The following HDX variants were observed in gnomAD, a reference collection of about 807,000 sequenced individuals.
HDX encodes chromosome X open reading frame 43.
In HDX, 19 loss-of-function variants were observed where a neutral mutation model predicts 45.2. That is an observed-to-expected ratio of 0.42 (90% confidence interval 0.29 to 0.62). HDX has a LOEUF of 0.62. Ranked by LOEUF, HDX falls within the 20% of genes least tolerant of loss-of-function variation. The pLI, the probability that HDX is intolerant of heterozygous loss-of-function variation, is 0.20. For synonymous variants in HDX, 188 were observed against 172.8 expected, an observed-to-expected ratio of 1.09 and a Z score of -0.69; for missense variants, 532 against 493.9, an observed-to-expected ratio of 1.08 and a Z score of -0.73.
intron 6 of HDX, among the ~76,000 whole-genome samples, chrX:84,347,325 G>C (rs1278252462): frequency 9.0e-6 from 1 of 110,809 alleles, no homozygotes; most frequent in Non-Finnish European, 1.9e-5. Context: ...CTCCTGAGTA[G>C]CTAGAACTAA....
At chrX:84,454,401 T>C (rs1411440473) in intron 4 of HDX, among the ~76,000 whole-genome samples, 1 of 111,315 alleles carries the variant, frequency 9.0e-6, no homozygotes, top group East Asian at 2.8e-4. Context: ...AACTGAAAAG[T>C]ACATTGACCT....
At chrX:84,416,211 C>T (rs2039098162) in intron 5 of HDX, among the ~76,000 whole-genome samples, 1 of 111,346 alleles carries the variant, frequency 9.0e-6, no homozygotes, top group Non-Finnish European at 1.9e-5. Context: ...AACCAAGGCC[C>T]AAGTTTTCTA....
At chrX:84,488,344 C>T (rs919999270) in intron 1 of HDX, among the ~76,000 whole-genome samples, 137 of 109,861 alleles carry the variant, frequency 1.2e-3, no homozygotes, top group African/African-American at 4.3e-3. Context: ...CACACACACA[C>T]ACACACACAC....
At chrX:84,391,286 C>CT (rs888780295) in intron 5 of HDX, among the ~76,000 whole-genome samples, 2 of 111,604 alleles carry the variant, frequency 1.8e-5, no homozygotes, top group African/African-American at 6.5e-5. Context: ...TGATTTCATT[C>CT]TTTTTTATGA....
intron 6 of HDX, among the ~76,000 whole-genome samples, chrX:84,357,377 A>G (rs1207395133): frequency 8.9e-6 from 1 of 111,991 alleles, no homozygotes; most frequent in Non-Finnish European, 1.9e-5. Flanking sequence ...AAAATAACTC[A>G]AGCAAACATA....
At chrX:84,422,638 A>T (rs1253491994) in intron 5 of HDX, among the ~76,000 whole-genome samples, 1 of 109,289 alleles carries the variant, frequency 9.2e-6, no homozygotes, top group East Asian at 2.9e-4. Flanking sequence ...TAAAAAAGCA[A>T]TACCAAAGAC....
intron 4 of HDX, among the ~76,000 whole-genome samples, chrX:84,454,452 G>C (rs1007359681): frequency 1.8e-5 from 2 of 111,502 alleles, no homozygotes; most frequent in Non-Finnish European, 3.8e-5. Flanking sequence ...TTTGCCACGG[G>C]CCTGAGGTGG....
chrX:84,439,252 A>AT (rs2039707664), intron 5 of HDX, among the ~76,000 whole-genome samples: 1 of 110,089 alleles, frequency 9.1e-6, no homozygotes, highest in Admixed American at 9.7e-5. Flanking sequence ...ATTTAGACTG[A>AT]TTTTTAGCTT....
chrX:84,486,031 T>C (rs1355573246), intron 2 of HDX, among the ~76,000 whole-genome samples: 1 of 112,101 alleles, frequency 8.9e-6, no homozygotes, highest in Non-Finnish European at 1.9e-5. Flanking sequence ...ACCACTTACA[T>C]TTAATGTAAT....
chrX:84,380,807 GA>G (rs1300805165), intron 5 of HDX, among the ~76,000 whole-genome samples: 2 of 110,699 alleles, frequency 1.8e-5, no homozygotes, highest in African/African-American at 6.5e-5. Flanking sequence ...CAGAGATATT[GA>G]AAACAACAAG....
intron 1 of HDX, among the ~76,000 whole-genome samples, chrX:84,497,161 T>C (rs377375399): frequency 6.8e-4 from 76 of 112,195 alleles, no homozygotes; most frequent in African/African-American, 2.4e-3. Flanking sequence ...TGTGGAACTG[T>C]GAGTCAGTTA....
chrX:84,495,405 A>G (rs988593290), intron 1 of HDX, among the ~76,000 whole-genome samples: 6 of 111,652 alleles, frequency 5.4e-5, no homozygotes, highest in African/African-American at 2.0e-4. Flanking sequence ...AGCTTGATTT[A>G]GCTGTTCCAC....
chrX:84,499,521 G>A (rs1435726287), intron 1 of HDX, among the ~76,000 whole-genome samples: 1 of 111,504 alleles, frequency 9.0e-6, no homozygotes, highest in Non-Finnish European at 1.9e-5. Flanking sequence ...ACAGCTTTGA[G>A]GAGTTTCATA....
At chrX:84,344,095 G>C (rs1333621111) in intron 7 of HDX, among the ~76,000 whole-genome samples, 155 bp downstream of exon 7, 2 of 111,859 alleles carry the variant, frequency 1.8e-5, no homozygotes, top group African/African-American at 6.5e-5. Context: ...GCAGGAGACT[G>C]TTTAGGTGGA....
chrX:84,387,397 G>T (rs1259846221), intron 5 of HDX, among the ~76,000 whole-genome samples: 1 of 111,504 alleles, frequency 9.0e-6, no homozygotes, highest in Non-Finnish European at 1.9e-5. Context: ...CTGCCTCAAT[G>T]ATCTGTCTAA....
intron 5 of HDX, among the ~76,000 whole-genome samples, chrX:84,406,944 CACTT>C (rs2038844568): frequency 9.1e-6 from 1 of 109,443 alleles, no homozygotes; most frequent in African/African-American, 3.3e-5. Flanking sequence ...GAAAAAAAAA[CACTT>C]TATTATGAAG....
intron 1 of HDX, among the ~76,000 whole-genome samples, chrX:84,497,690 ACTGTGT>A (rs1176580750): frequency 0.031 from 801 of 25,858 alleles, 9 homozygotes; most frequent in African/African-American, 0.08. Context: ...ATGTTATATG[ACTGTGT>A]GTGTGTGTGT....
intron 4 of HDX, among the ~76,000 whole-genome samples, chrX:84,451,335 T>C (rs909911387): frequency 9.1e-6 from 1 of 109,402 alleles, no homozygotes; most frequent in African/African-American, 3.3e-5. Flanking sequence ...AAATGAAAAA[T>C]AGACATTGCA....
At chrX:84,411,813 T>A in intron 5 of HDX, among the ~76,000 whole-genome samples, 1 of 111,639 alleles carries the variant, frequency 9.0e-6, no homozygotes, top group Non-Finnish European at 1.9e-5. Context: ...TCTTCCTAGG[T>A]CTTTAATAAT....
Sources: gnomAD v4.1 joint callset for allele counts (sites outside exome capture counted in the v4.1 genomes callset) on GRCh38, gnomAD v4.1.1 for gene constraint, MANE v1.5 for transcripts, NCBI Gene and HGNC (gene_info 2026-07-23, HGNC 2026-07-21) for gene names.